PPFIA2: variants seen among roughly 807,000 people sequenced by gnomAD.
PPFIA2 encodes the protein PPFI scaffold protein A2, also known as liprin-alpha-2.
In PPFIA2, 46 loss-of-function variants were observed where a neutral mutation model predicts 175.5. The observed-to-expected ratio is 0.26, with a 90% CI of 0.21 to 0.34. The LOEUF (loss-of-function observed/expected upper bound fraction) is 0.34, where lower values mean the gene tolerates loss of function less well. Ranked by LOEUF, PPFIA2 falls within the 10% of genes least tolerant of loss-of-function variation. The pLI, the probability that PPFIA2 is intolerant of heterozygous loss-of-function variation, is 1.00. For missense variants in PPFIA2, 1,179 were observed against 1,506.1 expected (o/e 0.78, Z 3.60); for synonymous variants, 568 against 511.4 (o/e 1.11, Z -1.49).
intron 3 of PPFIA2, among the ~76,000 whole-genome samples, chr12:81,703,829 T>C (rs1255474856): frequency 6.6e-6 from 1 of 152,128 alleles, no homozygotes; most frequent in Non-Finnish European, 1.5e-5. Flanking sequence ...TCTTTCTCTC[T>C]GGAACGCTCT....
At chr12:81,339,583 T>C (rs968954679) in intron 20 of PPFIA2, among the ~76,000 whole-genome samples, 10 of 152,106 alleles carry the variant, frequency 6.6e-5, no homozygotes, top group African/African-American at 1.9e-4. Flanking sequence ...TTTTTTGGTA[T>C]AATCTCAAAC....
intron 6 of PPFIA2, among the ~76,000 whole-genome samples, chr12:81,441,296 C>A (rs2050133411): frequency 1.3e-5 from 2 of 151,948 alleles, no homozygotes; most frequent in African/African-American, 2.4e-5. Flanking sequence ...TATTACAATA[C>A]CATGTATATT....
intron 3 of PPFIA2, among the ~76,000 whole-genome samples, chr12:81,712,010 T>C (rs74104387): frequency 0.016 from 2,439 of 151,396 alleles, 73 homozygotes; most frequent in African/African-American, 0.056. Context: ...AAGAAGATTA[T>C]ATTAGAATAT....
At chr12:81,440,138 A>G (rs1197405565) in intron 6 of PPFIA2, 92 bp from the exon 7 acceptor site, 5 of 887,292 alleles carry the variant, frequency 5.6e-6, no homozygotes, top group African/African-American at 3.6e-5. Context: ...GAGACAGTCA[A>G]TTTGGCAAAT....
At chr12:81,740,452 G>C (rs1323019553) in intron 3 of PPFIA2, among the ~76,000 whole-genome samples, 1 of 152,134 alleles carries the variant, frequency 6.6e-6, no homozygotes, top group Admixed American at 6.6e-5. Context: ...TCAATGCAAA[G>C]GTGTGTGATC....
intron 4 of PPFIA2, among the ~76,000 whole-genome samples, chr12:81,494,023 A>G (rs968674319): frequency 1.3e-5 from 2 of 151,988 alleles, no homozygotes; most frequent in African/African-American, 2.4e-5. Flanking sequence ...ACCATTCAGG[A>G]CAGGCATGGG....
At position 81,259,612 on chromosome 12, in the gene PPFIA2, T is replaced by G. The variant is rs1443088357; in HGVS notation, c.*82A>C. ...TTCACAAAGGTTTTCACTGCTCGTC[T>G]TCTTAGATGGTAGTGCACTTTAGGT... On this transcript the variant is annotated 3_prime_UTR_variant, in exon 33 of 33. Coordinates refer to ENST00000549396, the MANE Select transcript of PPFIA2 (RefSeq NM_003625.5). 1.3e-6 allele frequency: 2 copies of G among 1,529,724 alleles called. No individual in the cohort carries two copies. The highest frequency in any genetic ancestry group is 2.0e-5 in the Admixed American group (1 of 50,902). The allele number at this position is 1,529,724 out of a possible 1,614,324, so 94.8% of individuals were successfully genotyped here.
chr12:81,411,786 A>G (rs1357160749), intron 7 of PPFIA2, among the ~76,000 whole-genome samples: 1 of 152,036 alleles, frequency 6.6e-6, no homozygotes, highest in Non-Finnish European at 1.5e-5. Flanking sequence ...TGGAAATTGT[A>G]CTCTCATTGG....
At chr12:81,685,262 G>T (rs1238504036) in intron 3 of PPFIA2, among the ~76,000 whole-genome samples, 1 of 151,976 alleles carries the variant, frequency 6.6e-6, no homozygotes, top group Non-Finnish European at 1.5e-5. Context: ...TGTTAATGAG[G>T]CATCTTCCTC....
rs183076752 is a variant in PPFIA2, at chr12:81,556,668, C to T, written c.304-98802G>A. Among the ~76,000 whole-genome samples the T allele has an allele frequency of 1.3e-3, 197 of 151,762 alleles. 1 individual carries two copies. Among genetic ancestry groups the T allele is most frequent in the African/African-American group, 4.6e-3 (190 of 41,452 alleles). On this transcript the variant is annotated intron_variant, in intron 4 of 32. Transcript: ENST00000549396. ...TATAGTTCAATATATCTACCCCCTA[C>T]ATTAACTTCCGTGGTTGTGGAGTAT...
chr12:81,426,554 G>T (rs1366756150), intron 7 of PPFIA2, among the ~76,000 whole-genome samples: 1 of 152,120 alleles, frequency 6.6e-6, no homozygotes, highest in Non-Finnish European at 1.5e-5. Flanking sequence ...AATACCAACT[G>T]ATCAAGTTAT....
intron 22 of PPFIA2, among the ~76,000 whole-genome samples, chr12:81,315,371 A>G (rs1174306200): frequency 6.6e-6 from 1 of 151,866 alleles, no homozygotes; most frequent in Non-Finnish European, 1.5e-5. Flanking sequence ...GATGTGACCA[A>G]ATGAAAGTGG....
At chr12:81,485,003 A>G (rs898477495) in intron 4 of PPFIA2, among the ~76,000 whole-genome samples, 6 of 151,936 alleles carry the variant, frequency 3.9e-5, no homozygotes, top group Non-Finnish European at 8.8e-5. Flanking sequence ...ACATAAGAAA[A>G]TGCTTATTTT....
chr12:81,445,959 T>A (rs1409190890), intron 5 of PPFIA2, among the ~76,000 whole-genome samples: 1 of 152,214 alleles, frequency 6.6e-6, no homozygotes, highest in Non-Finnish European at 1.5e-5. Context: ...AATGCAAATG[T>A]AATGCAGTCC....
At chr12:81,689,648 T>A (rs958822900) in intron 3 of PPFIA2, among the ~76,000 whole-genome samples, 8 of 151,998 alleles carry the variant, frequency 5.3e-5, no homozygotes, top group African/African-American at 1.9e-4. Context: ...CTCCTTTTCA[T>A]CCACTCAAGC....
chr12:81,434,673 T>C (rs2048674773), intron 7 of PPFIA2, among the ~76,000 whole-genome samples: 1 of 152,098 alleles, frequency 6.6e-6, no homozygotes, highest in Admixed American at 6.6e-5. Context: ...AATAATAGTA[T>C]GTACCTTCCA....
chr12:81,570,374 C>G (rs2072277909), intron 4 of PPFIA2, among the ~76,000 whole-genome samples: 1 of 152,068 alleles, frequency 6.6e-6, no homozygotes, highest in Non-Finnish European at 1.5e-5. Context: ...TCTCCTCCCC[C>G]TTCACTTATT....
At chr12:81,265,291 C>CAAAAAAAAAAAAA (rs571821814) in intron 30 of PPFIA2, among the ~76,000 whole-genome samples, 1 of 70,002 alleles carries the variant, frequency 1.4e-5, no homozygotes, top group African/African-American at 6.3e-5. Context: ...GAAACTCTGT[C>CAAAAAAAAAAAAA]AAAAAAAAAA....
At chr12:81,628,211 G>C (rs2062949107) in intron 4 of PPFIA2, among the ~76,000 whole-genome samples, 1 of 151,936 alleles carries the variant, frequency 6.6e-6, no homozygotes. Context: ...AATCAACCGA[G>C]CACCTCTATC....
Sources: allele counts gnomAD v4.1 joint callset (sites outside exome capture counted in the v4.1 genomes callset), GRCh38; gene constraint gnomAD v4.1.1; transcripts MANE v1.5; gene names NCBI Gene and HGNC (gene_info 2026-07-23, HGNC 2026-07-21).